The following PACRG variants were observed in gnomAD, a reference collection of about 807,000 sequenced individuals.
PACRG encodes the protein parkin coregulated gene protein.
PACRG carries 29 observed loss-of-function variants against 29.7 expected under a neutral mutation model. The observed-to-expected ratio is 0.98, with a 90% CI of 0.73 to 1.33. The LOEUF is 1.33. Among genes scored for constraint, PACRG ranks in the 40% most tolerant of loss-of-function variants. The probability of loss-of-function intolerance (pLI) is 0.00; values close to 1 mark genes in which losing one functional copy is unlikely to be tolerated. For missense variants in PACRG, 279 were observed against 316.2 expected, an observed-to-expected ratio of 0.88 and a Z score of 0.89; for synonymous variants, 116 against 118.7, an observed-to-expected ratio of 0.98 and a Z score of 0.15.
At chr6:162,820,384 A>G (rs752402509) in intron 2 of PACRG, among the ~76,000 whole-genome samples, 2 of 152,212 alleles carry the variant, frequency 1.3e-5, no homozygotes, top group African/African-American at 4.8e-5. Flanking sequence ...TTTCATTGAC[A>G]TAACTGATAA....
intron 4 of PACRG, among the ~76,000 whole-genome samples, chr6:163,102,640 A>G (rs188036176): frequency 7.6e-4 from 115 of 152,314 alleles, no homozygotes; most frequent in South Asian, 1.9e-3. Context: ...ACGTGATGAT[A>G]TGTATATCTT....
At chr6:162,834,604 T>A (rs932469921) in intron 2 of PACRG, among the ~76,000 whole-genome samples, 3 of 151,798 alleles carry the variant, frequency 2.0e-5, no homozygotes, top group Admixed American at 6.6e-5. Flanking sequence ...TTGATTTTTT[T>A]AAAAGATTTG....
chr6:163,259,033 T>C lies in PACRG; in HGVS notation c.614-55794T>C, dbSNP rs190647251. On this transcript the variant is annotated intron_variant, in intron 4 of 4. Coordinates refer to ENST00000366888, the MANE Select transcript of PACRG (RefSeq NM_001080379.2). ...CAGATTTTGCAGTTCATAAATCGTC[T>C]CCACATCAATGGTCATGGGGCAGCA... is the stretch of plus-strand genomic sequence containing the variant. Among the ~76,000 whole-genome samples, 107 of 152,288 alleles carry C rather than the reference T, an allele frequency of 7.0e-4. 1 individual carries two copies. The highest frequency in any genetic ancestry group is 2.3e-3 in the African/African-American group (96 of 41,562).
At chr6:163,049,493 A>T (rs1809760991) in intron 2 of PACRG, among the ~76,000 whole-genome samples, 1 of 152,108 alleles carries the variant, frequency 6.6e-6, no homozygotes, top group Admixed American at 6.5e-5. Context: ...GCATCTATAA[A>T]ACATTAACGA....
rs566031187 is a variant in PACRG, at chr6:162,910,127, C to T, written c.291+95846C>T. The stretch of plus-strand genomic sequence containing the variant: ...GTAAAAAGATAGTGGTAATAGTTTC[C>T]ACTTTGCTAAGTGTTTACTTCTTTA... On this transcript the variant is annotated intron_variant, in intron 2 of 4. Coordinates refer to ENST00000366888, the MANE Select transcript of PACRG (RefSeq NM_001080379.2). 2.6e-5 allele frequency among the ~76,000 whole-genome samples: 4 copies of T among 152,264 alleles called. No homozygotes were observed. The South Asian group carries it at 8.3e-4, about 32-fold the overall frequency.
chr6:163,213,710 T>C (rs935544891), intron 4 of PACRG, among the ~76,000 whole-genome samples: 2 of 152,182 alleles, frequency 1.3e-5, no homozygotes, highest in African/African-American at 2.4e-5. Context: ...TATTTGTAAA[T>C]TAAGGAAATT....
At chr6:163,277,502 T>TACAC (rs149681578) in intron 4 of PACRG, among the ~76,000 whole-genome samples, 85,490 of 144,030 alleles carry the variant, frequency 0.59, 25,561 homozygotes, top group Middle Eastern at 0.68. Flanking sequence ...TATACACACA[T>TACAC]ACACACACAC....
chr6:162,737,256 A>G (rs1189398863), intron 1 of PACRG, among the ~76,000 whole-genome samples: 1 of 152,130 alleles, frequency 6.6e-6, no homozygotes, highest in African/African-American at 2.4e-5. Context: ...CACCTCTGAA[A>G]CCTATTCATG....
intron 1 of PACRG, among the ~76,000 whole-genome samples, chr6:162,791,036 T>C (rs185929276): frequency 1.1e-3 from 167 of 152,324 alleles, no homozygotes; most frequent in Non-Finnish European, 1.9e-3. Flanking sequence ...ACAAAAGATA[T>C]TTCTAGCCAG....
At position 162,886,665 on chromosome 6, in the gene PACRG, A is replaced by G. The variant is rs560294622; in HGVS notation, c.291+72384A>G. 2.0e-5 allele frequency among the ~76,000 whole-genome samples: 3 copies of G among 152,192 alleles called. No individual in the cohort carries two copies. In the South Asian group the frequency reaches 6.2e-4, roughly 32 times the overall value. ...TATGCTGTTTTCTAAAGTTTTGACCATTTATTTTTATGTCACAGAGATGAA... is the reference window on the plus strand; with the variant it reads ...TATGCTGTTTTCTAAAGTTTTGACCGTTTATTTTTATGTCACAGAGATGAA... On this transcript the variant is annotated intron_variant, in intron 2 of 4. Coordinates refer to ENST00000366888, the MANE Select transcript of PACRG (RefSeq NM_001080379.2).
At chr6:163,236,135 ATGGCATACC>A (rs58902246) in intron 4 of PACRG, among the ~76,000 whole-genome samples, 62,262 of 151,578 alleles carry the variant, frequency 0.41, 13,656 homozygotes, top group African/African-American at 0.56. Flanking sequence ...CACACAGGGT[ATGGCATACC>A]CTGTATGAAC....
At chr6:162,755,863 AATGTTTTTTTT>A (rs1317957276) in intron 1 of PACRG, among the ~76,000 whole-genome samples, 6 of 152,070 alleles carry the variant, frequency 3.9e-5, no homozygotes, top group Admixed American at 3.3e-4. Flanking sequence ...TTTGTCACAA[AATGTTTTTTTT>A]TAATTTCCTT....
chr6:163,052,870 A>G (rs1310883684), intron 2 of PACRG, among the ~76,000 whole-genome samples: 1 of 152,296 alleles, frequency 6.6e-6, no homozygotes, highest in Non-Finnish European at 1.5e-5. Context: ...GTAAGATTTA[A>G]AGGTCACATA....
chr6:162,752,260 G>T (rs1056019446), intron 1 of PACRG, among the ~76,000 whole-genome samples: 3 of 152,118 alleles, frequency 2.0e-5, no homozygotes, highest in African/African-American at 7.2e-5. Flanking sequence ...AAGCAAAGAT[G>T]AACTCTGTTT....
intron 4 of PACRG, among the ~76,000 whole-genome samples, chr6:163,259,297 G>A (rs76149586): frequency 0.013 from 1,989 of 152,264 alleles, 40 homozygotes; most frequent in African/African-American, 0.045. Context: ...CTGCTATGGG[G>A]AGAGATTGGA....
chr6:163,058,085 T>C (rs1810746323), intron 2 of PACRG, among the ~76,000 whole-genome samples: 1 of 152,222 alleles, frequency 6.6e-6, no homozygotes, highest in Admixed American at 6.5e-5. Context: ...TTTCCAAATT[T>C]AGGGTAACTC....
intron 2 of PACRG, among the ~76,000 whole-genome samples, chr6:162,905,424 C>G (rs757380656): frequency 6.6e-6 from 1 of 152,196 alleles, no homozygotes; most frequent in Non-Finnish European, 1.5e-5. Context: ...GAAACCGTTT[C>G]TGTTTGCTGA....
At chr6:162,985,216 C>T (rs1158782725) in intron 2 of PACRG, among the ~76,000 whole-genome samples, 2 of 151,806 alleles carry the variant, frequency 1.3e-5, no homozygotes, top group Non-Finnish European at 2.9e-5. Flanking sequence ...GAAGCCAGTA[C>T]CACCCTAATA....
At chr6:163,198,432 C>A (rs1780565098) in intron 4 of PACRG, among the ~76,000 whole-genome samples, 1 of 152,222 alleles carries the variant, frequency 6.6e-6, no homozygotes, top group African/African-American at 2.4e-5. Flanking sequence ...TTGCTCTCAG[C>A]ACTTTACATG....
Sources: allele counts gnomAD v4.1 joint callset (sites outside exome capture counted in the v4.1 genomes callset), GRCh38; gene constraint gnomAD v4.1.1; transcripts MANE v1.5; gene names NCBI Gene and HGNC (gene_info 2026-07-23, HGNC 2026-07-21).